The following SVEP1 variants were observed in gnomAD, a reference collection of about 807,000 sequenced individuals.
SVEP1 encodes sushi, von Willebrand factor type A, EGF and pentraxin domain-containing protein 1.
A neutral mutation model predicts 367.3 loss-of-function variants in SVEP1; 164 were observed. The observed-to-expected ratio is 0.45, with a 90% CI of 0.39 to 0.51. The LOEUF is 0.51. SVEP1 is among the 20% of genes least tolerant of loss of function. SVEP1 has a pLI of 0.00. For synonymous variants in SVEP1, 1,666 were observed against 1,611.6 expected (o/e 1.03, Z -0.81); for missense variants, 4,117 against 4,425.3 (o/e 0.93, Z 1.98).
At chr9:110,491,636 G>C (rs1189287819) in intron 8 of SVEP1, among the ~76,000 whole-genome samples, 2 of 139,390 alleles carry the variant, frequency 1.4e-5, no homozygotes, top group Non-Finnish European at 3.0e-5. Flanking sequence ...TCTGTATCTT[G>C]GTAGTCAAAT....
chr9:110,541,738 C>CATATCTACATACATCTATATACATAG (rs1564171764), intron 3 of SVEP1, among the ~76,000 whole-genome samples: 3 of 149,964 alleles, frequency 2.0e-5, no homozygotes, highest in East Asian at 2.0e-4. Context: ...AATCTATATA[C>CATATCTACATACATCTATATACATAG]ATATCTACAT....
intron 36 of SVEP1, among the ~76,000 whole-genome samples, chr9:110,417,130 G>A (rs1040394259): frequency 3.3e-5 from 5 of 151,784 alleles, no homozygotes; most frequent in Non-Finnish European, 5.9e-5. Context: ...GGCCGAATAG[G>A]AACAGCTCCG....
At position 110,512,989 on chromosome 9, in the gene SVEP1, C is replaced by T; in HGVS notation, c.1240G>A (p.Gly414Arg). The change falls in exon 5 of 48, where the codon GGA becomes AGA. Residue 414 changes from glycine to arginine, a missense_variant. Around this residue, in one of 4 missense-constraint regions of SVEP1, gnomAD observed 2,174 missense variants for 2,494.3 expected, o/e 0.87. Coordinates refer to ENST00000374469, the MANE Select transcript of SVEP1 (RefSeq NM_153366.4). ...GGTAGACATAAGATGATGCTGCTTC[C>T]CACAAGATCAAATCCAGGGTGACAT... ...VRCHPGFDLV[G>R]SSIILCLPNG... 6.2e-7 allele frequency: 1 copy of T among 1,613,952 alleles called. No homozygotes were observed. The highest frequency in any genetic ancestry group is 8.5e-7 in the Non-Finnish European group (1 of 1,179,878).
At chr9:110,577,825 G>A (rs1330304098) in intron 1 of SVEP1, among the ~76,000 whole-genome samples, 2 of 151,820 alleles carry the variant, frequency 1.3e-5, no homozygotes, top group Non-Finnish European at 2.9e-5. Flanking sequence ...AATATCAGAG[G>A]AAAAAATACA....
intron 40 of SVEP1, among the ~76,000 whole-genome samples, chr9:110,395,560 A>G (rs1438973521): frequency 6.6e-6 from 1 of 152,192 alleles, no homozygotes; most frequent in Non-Finnish European, 1.5e-5. Context: ...AGACTGGCAA[A>G]ATGGATAAAG....
At chr9:110,525,227 C>A (rs1460543057) in intron 3 of SVEP1, among the ~76,000 whole-genome samples, 1 of 152,066 alleles carries the variant, frequency 6.6e-6, no homozygotes, top group Non-Finnish European at 1.5e-5. Flanking sequence ...AAGCAAAAAA[C>A]CAAAACACTC....
intron 1 of SVEP1, among the ~76,000 whole-genome samples, chr9:110,578,678 G>A (rs930123090): frequency 6.6e-6 from 1 of 152,144 alleles, no homozygotes; most frequent in African/African-American, 2.4e-5. Context: ...GAAACACTTT[G>A]TAAACCATGC....
At position 110,554,709 on chromosome 9, in the gene SVEP1, T is replaced by C. The variant is rs532481704; in HGVS notation, c.532-4605A>G. Among the ~76,000 whole-genome samples the C allele has an allele frequency of 2.0e-3, 295 of 147,914 alleles. 2 individuals carry two copies. Among genetic ancestry groups the C allele is most frequent in the African/African-American group, 6.7e-3 (264 of 39,280 alleles). ...GTATCAAGTATAATATAGACATTTA[T>C]GTGTATGTATAGATGTGCGTGTGTG... On this transcript the variant is annotated intron_variant, in intron 1 of 47. Transcript: ENST00000374469.
In SVEP1 at chr9:110,538,545, T is replaced by C. The variant is rs115451713; in HGVS notation, c.964+7570A>G. On this transcript the variant is annotated intron_variant, in intron 3 of 47. Transcript: ENST00000374469. ...GGGTAGGAGTGGAGATTTGTGTGCA[T>C]ATATTTACACGTATAATAAGATACT... 4.6e-3 allele frequency among the ~76,000 whole-genome samples: 707 copies of C among 152,190 alleles called. 4 individuals are homozygous for C. Among genetic ancestry groups the C allele is most frequent in the African/African-American group, 0.016 (658 of 41,564 alleles).
intron 18 of SVEP1, among the ~76,000 whole-genome samples, chr9:110,463,652 C>A (rs1828894178): frequency 7.1e-6 from 1 of 141,446 alleles, no homozygotes; most frequent in African/African-American, 2.5e-5. Context: ...GAAAGAAAGG[C>A]TGATGAAAGA....
chr9:110,383,392 G>C (rs1827470217), intron 43 of SVEP1, among the ~76,000 whole-genome samples: 1 of 152,198 alleles, frequency 6.6e-6, no homozygotes, highest in African/African-American at 2.4e-5. Flanking sequence ...ACCTGCACCT[G>C]AAGGTGTTAC....
Position 110,570,467 on chromosome 9 carries a change from CGTGTGT to C in SVEP1, c.531+8540_531+8545del, listed in dbSNP as rs59503025. The stretch of plus-strand genomic sequence containing the variant: ...AAACTAAGACAAAAAGTTTCTGTTG[CGTGTGT>C]GTGTGTGTGTGTGTGTGTGTGTGTG... On this transcript the variant is annotated intron_variant, in intron 1 of 47. Transcript: ENST00000374469. Among the ~76,000 whole-genome samples the C allele has an allele frequency of 1.2e-3, 172 of 146,918 alleles. No individual in the cohort carries two copies. The East Asian group carries it at 0.016, about 13-fold the overall frequency.
intron 47 of SVEP1, among the ~76,000 whole-genome samples, chr9:110,368,972 AAAAT>A (rs147840300): frequency 0.069 from 10,452 of 152,258 alleles, 654 homozygotes; most frequent in African/African-American, 0.17. Flanking sequence ...CAGGAAATGA[AAAAT>A]AAAAGTTTTC....
At chr9:110,487,035 C>T (rs963354786) in intron 9 of SVEP1, among the ~76,000 whole-genome samples, 2 of 152,158 alleles carry the variant, frequency 1.3e-5, no homozygotes, top group Non-Finnish European at 2.9e-5. Context: ...CAGCTCACCG[C>T]AACCTCTGCC....
intron 1 of SVEP1, among the ~76,000 whole-genome samples, chr9:110,566,660 C>T (rs1428850702): frequency 6.6e-6 from 1 of 152,140 alleles, no homozygotes; most frequent in African/African-American, 2.4e-5. Context: ...CACACAACTC[C>T]ACCTGAGCCA....
Position 110,400,482 on chromosome 9 carries a change from T to C in SVEP1, c.9822+372A>G, listed in dbSNP as rs140502227. 5.1e-3 allele frequency among the ~76,000 whole-genome samples: 774 copies of C among 152,128 alleles called. 5 individuals are homozygous for C. Among genetic ancestry groups the C allele is most frequent in the African/African-American group, 0.018 (727 of 41,496 alleles). On this transcript the variant is annotated intron_variant, in intron 40 of 47. Coordinates refer to ENST00000374469, the MANE Select transcript of SVEP1 (RefSeq NM_153366.4). ...CACGGGTTCAAGCGATTCTCCTGCC[T>C]CAGTCTCCCAAGTAGCTGGAATTAC...
At position 110,484,270 on chromosome 9, in the gene SVEP1, C is replaced by T. The variant is rs543103517; in HGVS notation, c.1931-577G>A. Among the ~76,000 whole-genome samples the T allele has an allele frequency of 3.4e-3, 517 of 152,166 alleles. 1 individual carries two copies. Among genetic ancestry groups the T allele is most frequent in the Non-Finnish European group, 4.8e-3 (327 of 68,008 alleles). Reference sequence around the variant, plus strand: ...TGGAGCTAAAGATTTCTAAGGTTGACAAATTCTAGATGAAGACAAAGAAAA... The same window carrying T: ...TGGAGCTAAAGATTTCTAAGGTTGATAAATTCTAGATGAAGACAAAGAAAA... On this transcript the variant is annotated intron_variant, in intron 9 of 47. Transcript: ENST00000374469.
intron 8 of SVEP1, among the ~76,000 whole-genome samples, chr9:110,494,982 C>T (rs895040287): frequency 2.0e-4 from 31 of 152,178 alleles, no homozygotes; most frequent in Admixed American, 3.3e-4. Context: ...GTATATTTCT[C>T]TGGTCTGTTC....
At chr9:110,404,669 TTGTTGCACAATCAATATG>T in intron 38 of SVEP1, 117 bp from the exon 39 acceptor site, 1 of 913,942 alleles carries the variant, frequency 1.1e-6, no homozygotes, top group Non-Finnish European at 1.7e-6. Context: ...AACATATTGA[TTGTTGCACAATCAATATG>T]TCAGGCGGAT....
Sources: gnomAD v4.1 joint callset for allele counts (sites outside exome capture counted in the v4.1 genomes callset) on GRCh38, gnomAD v4.1.1 for gene constraint, gnomAD v4.1.1 regional missense constraint, MANE v1.5 for transcripts, NCBI Gene and HGNC (gene_info 2026-07-23, HGNC 2026-07-21) for gene names.